DLG2: variants seen among roughly 807,000 people sequenced by gnomAD.
The protein encoded by DLG2 is disks large homolog 2.
Under a neutral mutation model 132.5 loss-of-function variants are expected in DLG2, and 45 were observed. That is an observed-to-expected ratio of 0.34 (90% CI 0.27 to 0.44). The LOEUF (loss-of-function observed/expected upper bound fraction) is 0.44. DLG2 is among the 20% of genes least tolerant of loss of function. The probability of loss-of-function intolerance (pLI) is 1.00; values close to 1 mark genes in which losing one functional copy is unlikely to be tolerated. For synonymous variants in DLG2, 424 were observed against 419.6 expected (o/e 1.01, Z -0.13); for missense variants, 1,045 against 1,196.9 (o/e 0.87, Z 1.87).
intron 3 of DLG2, among the ~76,000 whole-genome samples, chr11:85,489,708 T>A (rs2093513869): frequency 6.6e-6 from 1 of 152,126 alleles, no homozygotes; most frequent in South Asian, 2.1e-4. Flanking sequence ...CAAAATCATA[T>A]CAAGTATCTT....
At chr11:84,781,290 T>G (rs2071725130) in intron 6 of DLG2, among the ~76,000 whole-genome samples, 1 of 152,058 alleles carries the variant, frequency 6.6e-6, no homozygotes, top group Admixed American at 6.6e-5. Context: ...AACACAGATA[T>G]TTTAGTAGTT....
At chr11:85,407,661 TACC>T (rs1263632029) in intron 3 of DLG2, among the ~76,000 whole-genome samples, 1 of 151,792 alleles carries the variant, frequency 6.6e-6, no homozygotes, top group Non-Finnish European at 1.5e-5. Flanking sequence ...TAGAGTATGT[TACC>T]ACACCAACTA....
At chr11:85,151,551 G>T (rs185611317) in intron 5 of DLG2, among the ~76,000 whole-genome samples, 57 of 152,068 alleles carry the variant, frequency 3.7e-4, no homozygotes, top group African/African-American at 1.3e-3. Flanking sequence ...AATCCATCTC[G>T]AGTTAATTTT....
At chr11:84,637,319 C>T (rs898886442) in intron 6 of DLG2, among the ~76,000 whole-genome samples, 1 of 152,274 alleles carries the variant, frequency 6.6e-6, no homozygotes. Flanking sequence ...GTGAACCCAC[C>T]ACACGATGTG....
chr11:83,952,637 T>C (rs1330059278), intron 14 of DLG2, among the ~76,000 whole-genome samples: 1 of 152,156 alleles, frequency 6.6e-6, no homozygotes, highest in Admixed American at 6.5e-5. Flanking sequence ...AAACATGTTT[T>C]TGAAGACTAA....
chr11:84,204,848 C>G (rs2154302744), intron 8 of DLG2, among the ~76,000 whole-genome samples: 1 of 152,164 alleles, frequency 6.6e-6, no homozygotes, highest in Non-Finnish European at 1.5e-5. Context: ...ATTATAGGCT[C>G]CCGCCACCAC....
intron 3 of DLG2, among the ~76,000 whole-genome samples, chr11:85,527,145 G>A (rs2074822246): frequency 6.7e-6 from 1 of 148,460 alleles, no homozygotes; most frequent in East Asian, 2.0e-4. Flanking sequence ...GGGGTTTTTT[G>A]TTTGTTTGTT....
At chr11:85,146,520 A>G (rs564686583) in intron 5 of DLG2, among the ~76,000 whole-genome samples, 1 of 152,174 alleles carries the variant, frequency 6.6e-6, no homozygotes, top group South Asian at 2.1e-4. Flanking sequence ...AGGTCTAGAG[A>G]TGCCATCCAG....
intron 3 of DLG2, among the ~76,000 whole-genome samples, chr11:85,356,890 C>A (rs941616674): frequency 2.0e-5 from 3 of 152,016 alleles, no homozygotes; most frequent in Non-Finnish European, 2.9e-5. Context: ...CTTATTCCAC[C>A]CCCACTCCTC....
At chr11:85,084,506 A>C (rs1296223364) in intron 6 of DLG2, among the ~76,000 whole-genome samples, 2 of 152,192 alleles carry the variant, frequency 1.3e-5, no homozygotes, top group Non-Finnish European at 2.9e-5. Flanking sequence ...TTGAGAATAC[A>C]TAAGCTAGAA....
chr11:83,896,282 C>T (rs1378517372), intron 15 of DLG2, among the ~76,000 whole-genome samples: 2 of 152,172 alleles, frequency 1.3e-5, no homozygotes, highest in South Asian at 2.1e-4. Flanking sequence ...GTTGAAATAG[C>T]AGCCATAAAA....
chr11:84,575,608 C>A (rs568559638), intron 6 of DLG2, among the ~76,000 whole-genome samples: 1 of 152,276 alleles, frequency 6.6e-6, no homozygotes, highest in South Asian at 2.1e-4. Context: ...TTGATACAGG[C>A]ATGCAATGCA....
At chr11:83,894,675 C>A (rs1487149307) in intron 15 of DLG2, among the ~76,000 whole-genome samples, 1 of 152,144 alleles carries the variant, frequency 6.6e-6, no homozygotes, top group Non-Finnish European at 1.5e-5. Flanking sequence ...TCTCTTCTAC[C>A]TATTTTTAAA....
intron 3 of DLG2, among the ~76,000 whole-genome samples, chr11:85,461,827 G>C (rs7937119): frequency 0.036 from 5,497 of 152,102 alleles, 319 homozygotes; most frequent in African/African-American, 0.12. Context: ...TAAAGAACTT[G>C]TGCACGGCAA....
intron 3 of DLG2, among the ~76,000 whole-genome samples, chr11:85,330,697 CAGCGCACCAGCATGG>C (rs1456772043): frequency 2.3e-4 from 24 of 103,396 alleles, no homozygotes; most frequent in African/African-American, 8.5e-4. Flanking sequence ...TTAGTGGGTG[CAGCGCACCAGCATGG>C]CACATGTATA....
chr11:83,544,755 G>A (rs1310800524), intron 19 of DLG2, among the ~76,000 whole-genome samples: 2 of 152,148 alleles, frequency 1.3e-5, no homozygotes, highest in Non-Finnish European at 2.9e-5. Flanking sequence ...ATAGATGAGG[G>A]AAGGAGGCTC....
At chr11:85,334,618 T>C (rs2082000848) in intron 3 of DLG2, among the ~76,000 whole-genome samples, 1 of 152,184 alleles carries the variant, frequency 6.6e-6, no homozygotes, top group South Asian at 2.1e-4. Context: ...CCAGAGATTT[T>C]GGTATATCTT....
At chr11:83,538,596 G>C (rs1181422358) in intron 20 of DLG2, among the ~76,000 whole-genome samples, 1 of 152,154 alleles carries the variant, frequency 6.6e-6, no homozygotes, top group Non-Finnish European at 1.5e-5. Flanking sequence ...GTGTATTTTT[G>C]GGTAAGTTAC....
intron 6 of DLG2, among the ~76,000 whole-genome samples, chr11:84,669,582 C>A (rs188770511): frequency 6.6e-6 from 1 of 152,068 alleles, no homozygotes; most frequent in African/African-American, 2.4e-5. Context: ...TAGATAGGTA[C>A]GGAAGAACAA....
Sources: allele counts gnomAD v4.1 joint callset (sites outside exome capture counted in the v4.1 genomes callset), GRCh38; gene constraint gnomAD v4.1.1; transcripts MANE v1.5; gene names NCBI Gene and HGNC (gene_info 2026-07-23, HGNC 2026-07-21).